JMJD1C: variants seen among roughly 807,000 people sequenced by gnomAD.
The protein encoded by JMJD1C is jumonji domain containing 1C, also known as jumonji domain-containing protein 1C.
A neutral mutation model predicts 245.3 loss-of-function variants in JMJD1C; 31 were observed. The ratio of observed to expected loss-of-function variants is 0.13; its 90% CI spans 0.09 to 0.17. The LOEUF is 0.17. JMJD1C is among the 10% of genes least tolerant of loss of function. The pLI is 1.00. For synonymous variants in JMJD1C, 1,057 were observed against 1,017.4 expected, an observed-to-expected ratio of 1.04 and a Z score of -0.74; for missense variants, 2,691 against 3,000.2, an observed-to-expected ratio of 0.90 and a Z score of 2.41.
intron 2 of JMJD1C, among the ~76,000 whole-genome samples, chr10:63,330,826 C>T (rs981754603): frequency 2.6e-5 from 4 of 152,276 alleles, no homozygotes; most frequent in South Asian, 2.1e-4. Flanking sequence ...CAATGCTCCA[C>T]TAAAATGCCC....
intron 1 of JMJD1C, among the ~76,000 whole-genome samples, chr10:63,436,830 C>T (rs1951083556): frequency 6.6e-6 from 1 of 152,002 alleles, no homozygotes; most frequent in Non-Finnish European, 1.5e-5. Context: ...TATCTTAGAC[C>T]CTTATCATGG....
chr10:63,330,671 C>T (rs1272361830), intron 2 of JMJD1C, among the ~76,000 whole-genome samples: 1 of 151,952 alleles, frequency 6.6e-6, no homozygotes, highest in Non-Finnish European at 1.5e-5. Flanking sequence ...TTTAGCCTAC[C>T]TATATCTCAT....
chr10:63,479,057 T>C (rs958188144), intron 1 of JMJD1C, among the ~76,000 whole-genome samples: 5 of 152,218 alleles, frequency 3.3e-5, no homozygotes, highest in Non-Finnish European at 7.3e-5. Flanking sequence ...GTTTTGTTTT[T>C]ATCATATAGA....
intron 3 of JMJD1C, among the ~76,000 whole-genome samples, chr10:63,234,136 A>ATT (rs1451129701): frequency 2.6e-5 from 4 of 152,076 alleles, no homozygotes; most frequent in Non-Finnish European, 5.9e-5. Flanking sequence ...AAATACTCAC[A>ATT]TTAAAAGGTG....
chr10:63,175,540 G>T (rs1237112747), intron 24 of JMJD1C, among the ~76,000 whole-genome samples: 1 of 152,168 alleles, frequency 6.6e-6, no homozygotes. Flanking sequence ...AACAGTCAAT[G>T]ACTATACTTA....
At chr10:63,299,163 T>C (rs749515198) in intron 2 of JMJD1C, among the ~76,000 whole-genome samples, 2 of 152,122 alleles carry the variant, frequency 1.3e-5, no homozygotes, top group Non-Finnish European at 2.9e-5. Flanking sequence ...ATATGAAATA[T>C]CCTTAAACAT....
At chr10:63,313,146 T>C (rs771116598) in intron 2 of JMJD1C, among the ~76,000 whole-genome samples, 1 of 152,218 alleles carries the variant, frequency 6.6e-6, no homozygotes, top group Non-Finnish European at 1.5e-5. Flanking sequence ...ATGATTCTTA[T>C]GCCTTTGCAT....
chr10:63,399,235 G>A (rs1948702931), intron 1 of JMJD1C, among the ~76,000 whole-genome samples: 1 of 152,090 alleles, frequency 6.6e-6, no homozygotes, highest in African/African-American at 2.4e-5. Flanking sequence ...AAGTCTTTTA[G>A]ATACAACCTT....
intron 3 of JMJD1C, among the ~76,000 whole-genome samples, chr10:63,241,448 AT>A (rs1454114312): frequency 6.6e-6 from 1 of 152,224 alleles, no homozygotes; most frequent in African/African-American, 2.4e-5. Flanking sequence ...TAGGTTTAAA[AT>A]TATTTATATA....
intron 1 of JMJD1C, among the ~76,000 whole-genome samples, chr10:63,517,090 A>G (rs1157122739): frequency 6.6e-6 from 1 of 152,212 alleles, no homozygotes; most frequent in African/African-American, 2.4e-5. Flanking sequence ...TTCTCCAAAT[A>G]AATATATTTT....
chr10:63,407,676 G>A (rs1949246740), intron 1 of JMJD1C, among the ~76,000 whole-genome samples: 1 of 150,382 alleles, frequency 6.6e-6, no homozygotes, highest in African/African-American at 2.5e-5. Context: ...ATATACATAG[G>A]GAAAAATGAC....
At chr10:63,213,339 A>G (rs1847591531) in intron 8 of JMJD1C, 134 bp downstream of exon 8, 1 of 582,932 alleles carries the variant, frequency 1.7e-6, no homozygotes, top group Non-Finnish European at 3.0e-6. Context: ...TACTAAGTGT[A>G]TGGAAAAACA....
At position 63,183,993 on chromosome 10, in the gene JMJD1C, T is replaced by A. The variant is rs577577808; in HGVS notation, c.6962-424A>T. Among the ~76,000 whole-genome samples, 159 of 152,258 alleles carry A rather than the reference T, an allele frequency of 1.0e-3. 1 individual carries two copies. Among genetic ancestry groups the A allele is most frequent in the Non-Finnish European group, 3.4e-4 (23 of 68,016 alleles). ...GCCAGGCTGGAGTGCAGTGGCATGATCTCGACTCACTGCAACCTCCACCTC... is the reference window on the plus strand; with the variant it reads ...GCCAGGCTGGAGTGCAGTGGCATGAACTCGACTCACTGCAACCTCCACCTC... On this transcript the variant is annotated intron_variant, in intron 21 of 25. Transcript: ENST00000399262.
intron 1 of JMJD1C, among the ~76,000 whole-genome samples, chr10:63,502,354 G>A (rs1186307793): frequency 2.0e-5 from 3 of 151,574 alleles, no homozygotes; most frequent in Admixed American, 6.6e-5. Flanking sequence ...AAAACCTGCC[G>A]GCGGCCAGGC....
intron 1 of JMJD1C, among the ~76,000 whole-genome samples, chr10:63,458,838 C>T (rs993131538): frequency 1.3e-5 from 2 of 152,092 alleles, no homozygotes; most frequent in African/African-American, 2.4e-5. Context: ...ATCCTCCCAC[C>T]TCAGTACCCA....
chr10:63,399,421 G>A (rs1264297822), intron 1 of JMJD1C, among the ~76,000 whole-genome samples: 1 of 152,114 alleles, frequency 6.6e-6, no homozygotes, highest in African/African-American at 2.4e-5. Flanking sequence ...CATTACTCCT[G>A]ATTTGGTCAC....
intron 1 of JMJD1C, among the ~76,000 whole-genome samples, chr10:63,509,396 T>C (rs1250988967): frequency 2.0e-5 from 3 of 152,228 alleles, no homozygotes; most frequent in South Asian, 4.1e-4. Context: ...TCTTGCAATA[T>C]GTGTTTTTTG....
rs1857374159 is a variant in JMJD1C, at chr10:63,281,408, C to G, written c.334-16644G>C. ...ACTCCTGACCTTGTGATCTGCCCGT[C>G]TCGGCCTCCCAAAGTGCTATGATTA... On this transcript the variant is annotated intron_variant, in intron 2 of 25. Transcript: ENST00000399262. Among the ~76,000 whole-genome samples the G allele has an allele frequency of 2.1e-5, 3 of 144,680 alleles. No individual in the cohort carries two copies. The Admixed American group carries it at 2.1e-4, about 10-fold the overall frequency. The allele number at this position is 144,680 out of a possible 152,430, so 94.9% of individuals were successfully genotyped here.
intron 1 of JMJD1C, among the ~76,000 whole-genome samples, chr10:63,476,834 G>T (rs1186372097): frequency 6.6e-6 from 1 of 152,166 alleles, no homozygotes; most frequent in East Asian, 1.9e-4. Flanking sequence ...GGAGGGTGAG[G>T]CAAGAGGACC....
Sources: allele counts gnomAD v4.1 joint callset (sites outside exome capture counted in the v4.1 genomes callset), GRCh38; gene constraint gnomAD v4.1.1; transcripts MANE v1.5; gene names NCBI Gene and HGNC (gene_info 2026-07-23, HGNC 2026-07-21).